The following SYT16 variants were observed in gnomAD, a reference collection of about 807,000 sequenced individuals.
SYT16 encodes the protein synaptotagmin-16.
A neutral mutation model predicts 61.4 loss-of-function variants in SYT16; 42 were observed. The observed-to-expected ratio is 0.68, with a 90% CI of 0.53 to 0.89. SYT16 has a LOEUF of 0.89. Among genes scored for constraint, SYT16 ranks in the 40% least tolerant of loss-of-function variants. The pLI is 0.00. For synonymous variants in SYT16, 314 were observed against 302.3 expected (o/e 1.04, Z -0.40); for missense variants, 804 against 807.3 (o/e 1.00, Z 0.05).
At chr14:62,077,039 AGGCAGTTCCCGTAACT>A (rs2056521803) in intron 5 of SYT16, among the ~76,000 whole-genome samples, 5 of 152,220 alleles carry the variant, frequency 3.3e-5, no homozygotes, top group Admixed American at 3.3e-4. Context: ...TCCAACTCGG[AGGCAGTTCCCGTAACT>A]GCCTGCTTTG....
chr14:62,014,736 T>G (rs1595158355), intron 3 of SYT16, among the ~76,000 whole-genome samples: 1 of 151,890 alleles, frequency 6.6e-6, no homozygotes, highest in Non-Finnish European at 1.5e-5. Flanking sequence ...GCCCGGCTGG[T>G]TTCTCTATTT....
chr14:61,858,177 C>T (rs1311858299), intron 1 of SYT16, among the ~76,000 whole-genome samples: 1 of 146,106 alleles, frequency 6.8e-6, no homozygotes, highest in Non-Finnish European at 1.5e-5. Context: ...TTGGGGAATC[C>T]TAAAGTCAAG....
chr14:62,099,626 T>C (rs572394243), intron 7 of SYT16, among the ~76,000 whole-genome samples: 1 of 152,246 alleles, frequency 6.6e-6, no homozygotes, highest in African/African-American at 2.4e-5. Flanking sequence ...CCTGTGGACT[T>C]GGTAGATGTC....
rs1294362355 is a variant in SYT16 at position 62,101,640 on chromosome 14, T to C, written c.*933T>C. 6.6e-6 allele frequency: 1 copy of C among 152,166 alleles called. No homozygotes were observed. The highest frequency in any genetic ancestry group is 2.4e-5 in the African/African-American group (1 of 41,430). 9.4% of individuals were successfully genotyped at this position (152,166 alleles called of 1,614,324 possible). A position where few individuals can be genotyped will look rare whatever the true frequency, so the allele number is the denominator to read the frequency against. ...AACCATGCTCTTTTTAAACTGAGTA[T>C]TTTCCATCACTAGAGCATAGTAAAT... On this transcript the variant is annotated 3_prime_UTR_variant, in exon 8 of 8. Coordinates refer to ENST00000683842, the MANE Select transcript of SYT16 (RefSeq NM_001367656.1).
At chr14:62,090,984 CA>C (rs2057051923) in intron 7 of SYT16, among the ~76,000 whole-genome samples, 1 of 152,124 alleles carries the variant, frequency 6.6e-6, no homozygotes, top group South Asian at 2.1e-4. Flanking sequence ...GACCCACCCC[CA>C]TGATTCAGTT....
Position 61,861,235 on chromosome 14 carries a change from A to C in SYT16, c.-325+48425A>C, listed in dbSNP as rs78570782. 2.2e-3 allele frequency among the ~76,000 whole-genome samples: 341 copies of C among 152,288 alleles called. 4 individuals carry two copies. Among genetic ancestry groups the C allele is most frequent in the African/African-American group, 7.9e-3 (328 of 41,562 alleles). ...GCTCATGTTGTCATTCTATTTCTTT[A>C]TGGGCACAGAAATGTTCAGGATATC... is the stretch of plus-strand genomic sequence containing the variant. On this transcript the variant is annotated intron_variant, in intron 1 of 7. Coordinates refer to ENST00000683842, the MANE Select transcript of SYT16 (RefSeq NM_001367656.1).
At chr14:61,878,900 G>A (rs371331694) in intron 1 of SYT16, among the ~76,000 whole-genome samples, 4 of 152,102 alleles carry the variant, frequency 2.6e-5, no homozygotes, top group Admixed American at 6.6e-5. Context: ...CATTCTAGGC[G>A]CTATTAGGGG....
chr14:61,826,222 C>T (rs2140225849), intron 1 of SYT16, among the ~76,000 whole-genome samples: 1 of 152,132 alleles, frequency 6.6e-6, no homozygotes, highest in East Asian at 1.9e-4. Context: ...CAGCCACACT[C>T]ACTCACGCTG....
chr14:61,923,766 G>T (rs940362012), intron 1 of SYT16, among the ~76,000 whole-genome samples: 9 of 151,626 alleles, frequency 5.9e-5, no homozygotes, highest in African/African-American at 1.9e-4. Flanking sequence ...TCTAGTATTT[G>T]GTTTTTTAAA....
upstream of SYT16, chr14:61,812,650 G>T: frequency 6.8e-6 from 1 of 146,638 alleles, no homozygotes; most frequent in South Asian, 1.9e-4. Flanking sequence ...GCGCGGGGCG[G>T]CGCGGCGCGG....
At chr14:62,030,794 T>C (rs1260088177) in intron 3 of SYT16, among the ~76,000 whole-genome samples, 1 of 151,892 alleles carries the variant, frequency 6.6e-6, no homozygotes, top group African/African-American at 2.4e-5. Flanking sequence ...ACAGTGGCCT[T>C]TTGTATTTAT....
In SYT16 at chr14:62,054,308, AT is replaced by A. The variant is rs11444506; in HGVS notation, c.524-15283del. 9.5e-3 allele frequency among the ~76,000 whole-genome samples: 1,339 copies of A among 141,506 alleles called. 17 individuals are homozygous for A. Among genetic ancestry groups the A allele is most frequent in the African/African-American group, 0.029 (1,129 of 38,876 alleles). The allele number at this position is 141,506 out of a possible 152,430, so 92.8% of individuals were successfully genotyped here. On this transcript the variant is annotated intron_variant, in intron 3 of 7. Transcript: ENST00000683842. ...AAATATCTGATCTACAGATTGTATG[AT>A]TTTTTTTTTTTGAATATGGCCTTTA... is the stretch of plus-strand genomic sequence containing the variant.
intron 1 of SYT16, among the ~76,000 whole-genome samples, chr14:61,862,081 T>C (rs73256483): frequency 0.14 from 20,844 of 152,110 alleles, 1,590 homozygotes; most frequent in African/African-American, 0.2. Flanking sequence ...ATAAAGTGAG[T>C]TATGTGTGCT....
chr14:61,864,751 A>G, intron 1 of SYT16: 4 of 977,670 alleles, frequency 4.1e-6, no homozygotes, highest in Non-Finnish European at 6.2e-6. Context: ...CTACCTGGTT[A>G]ATGACGCATG....
At chr14:61,929,858 G>A (rs2049695380) in intron 1 of SYT16, among the ~76,000 whole-genome samples, 1 of 152,124 alleles carries the variant, frequency 6.6e-6, no homozygotes, top group Admixed American at 6.6e-5. Flanking sequence ...CTGAAAGAGT[G>A]GGCAAGACCG....
At chr14:61,855,864 T>C (rs8014159) in intron 1 of SYT16, among the ~76,000 whole-genome samples, 26,921 of 152,288 alleles carry the variant, frequency 0.18, 2,889 homozygotes, top group African/African-American at 0.3. Context: ...AGTCCTTTTG[T>C]AATAAACCTG....
chr14:62,099,255 G>A (rs370123031), intron 7 of SYT16, among the ~76,000 whole-genome samples: 3 of 152,316 alleles, frequency 2.0e-5, no homozygotes, highest in Middle Eastern at 3.4e-3. Flanking sequence ...GTGAGGAAAC[G>A]TGAGGTAATA....
chr14:61,961,996 C>G (rs1246521122), intron 1 of SYT16, among the ~76,000 whole-genome samples: 1 of 152,056 alleles, frequency 6.6e-6, no homozygotes, highest in Admixed American at 6.6e-5. Flanking sequence ...GGCCATTATC[C>G]TAAGTAAACT....
At chr14:61,905,959 G>A (rs1212973426) in intron 1 of SYT16, among the ~76,000 whole-genome samples, 4 of 152,118 alleles carry the variant, frequency 2.6e-5, no homozygotes, top group Admixed American at 1.3e-4. Context: ...GTTTCACCAC[G>A]TTGGCCAGGA....
Sources: gnomAD v4.1 joint callset for allele counts (sites outside exome capture counted in the v4.1 genomes callset) on GRCh38, gnomAD v4.1.1 for gene constraint, MANE v1.5 for transcripts, NCBI Gene and HGNC (gene_info 2026-07-23, HGNC 2026-07-21) for gene names.